The following OSBPL9 variants were observed in gnomAD, a reference collection of about 807,000 sequenced individuals.
OSBPL9 encodes oxysterol-binding protein-related protein 9.
OSBPL9 carries 40 observed loss-of-function variants against 106.6 expected under a neutral mutation model. That is an observed-to-expected ratio of 0.38 (90% confidence interval 0.29 to 0.49). OSBPL9 has a LOEUF of 0.49. OSBPL9 is among the 20% of genes least tolerant of loss of function. The probability of loss-of-function intolerance (pLI) is 0.97; values close to 1 mark genes in which losing one functional copy is unlikely to be tolerated. For missense variants in OSBPL9, 609 were observed against 887.2 expected (o/e 0.69, Z 3.98); for synonymous variants, 269 against 295.4 (o/e 0.91, Z 0.92).
At chr1:51,604,077 T>C (rs1019893570) in intron 2 of OSBPL9, among the ~76,000 whole-genome samples, 8 of 152,188 alleles carry the variant, frequency 5.3e-5, no homozygotes, top group Non-Finnish European at 1.2e-4. Context: ...GCCAAGCATG[T>C]TCCCTGGTCA....
At chr1:51,775,461 C>T (rs930164121) in intron 14 of OSBPL9, among the ~76,000 whole-genome samples, 1 of 152,064 alleles carries the variant, frequency 6.6e-6, no homozygotes, top group African/African-American at 2.4e-5. Flanking sequence ...TCTGTTCCCC[C>T]AAACAGAGCA....
At chr1:51,617,996 T>G (rs1644177114) in intron 1 of OSBPL9, among the ~76,000 whole-genome samples, 3 of 145,702 alleles carry the variant, frequency 2.1e-5, no homozygotes, top group Non-Finnish European at 3.0e-5. Context: ...TCTTACGTGG[T>G]TGTGTGTGTG....
chr1:51,623,751 T>C (rs1336912271), intron 1 of OSBPL9, among the ~76,000 whole-genome samples: 4 of 152,210 alleles, frequency 2.6e-5, no homozygotes, highest in African/African-American at 9.7e-5. Context: ...TTTTAGATTT[T>C]TGAATAGCTT....
chr1:51,659,970 A>G (rs1647038243), intron 2 of OSBPL9, among the ~76,000 whole-genome samples: 1 of 152,144 alleles, frequency 6.6e-6, no homozygotes, highest in South Asian at 2.1e-4. Context: ...TGGTGGTGTT[A>G]TAAGAGACAG....
the OSBPL9 span, among the ~76,000 whole-genome samples, chr1:51,544,524 G>C: frequency 2.4e-3 from 364 of 152,212 alleles, 12 homozygotes; most frequent in East Asian, 0.063. Flanking sequence ...ATCAAGCTTG[G>C]AACTTTCGTG....
intron 2 of OSBPL9, among the ~76,000 whole-genome samples, chr1:51,666,091 G>A (rs111588445): frequency 2.1e-4 from 32 of 152,096 alleles, no homozygotes; most frequent in Non-Finnish European, 3.8e-4. Flanking sequence ...CAGGTGATCC[G>A]CCCGCCTCGG....
chr1:51,761,074 G>C (rs979202688), intron 10 of OSBPL9, among the ~76,000 whole-genome samples: 5 of 152,162 alleles, frequency 3.3e-5, no homozygotes, highest in Non-Finnish European at 7.4e-5. Context: ...CAGAATTCAT[G>C]GCTAGCGAGG....
intron 1 of OSBPL9, among the ~76,000 whole-genome samples, chr1:51,631,741 T>C (rs1645118714): frequency 6.6e-6 from 1 of 152,206 alleles, no homozygotes; most frequent in Middle Eastern, 3.2e-3. Flanking sequence ...ATTATTATCA[T>C]TTAAACTATA....
chr1:51,580,947 TATATATA>T (rs1300932440), intron 1 of OSBPL9, among the ~76,000 whole-genome samples: 592 of 2,218 alleles, frequency 0.27, 204 homozygotes, highest in Non-Finnish European at 0.32. Flanking sequence ...TATATATATA[TATATATA>T]ACTTTTTTGA....
rs188933926 is a variant in OSBPL9 at position 51,740,134 on chromosome 1, T to G, written c.319-5402T>G. ...TTTCTATTCTCTCTTTTCCTTACTT[T>G]TATGGAAGATCAGTACCACACTTGC... On this transcript the variant is annotated intron_variant, in intron 4 of 23. Coordinates refer to ENST00000428468, the MANE Select transcript of OSBPL9 (RefSeq NM_024586.6). 5.3e-3 allele frequency: 8,149 copies of G among 1,549,504 alleles called. 24 individuals are homozygous for G. The highest frequency in any genetic ancestry group is 6.4e-3 in the Non-Finnish European group (7,310 of 1,145,810).
intron 9 of OSBPL9, 116 bp from the exon 10 acceptor site, chr1:51,760,574 C>A: frequency 6.9e-6 from 10 of 1,448,264 alleles, no homozygotes; most frequent in Non-Finnish European, 9.3e-6. Context: ...TCATTTTGAT[C>A]AACATATCTA....
At chr1:51,556,871 A>C in the OSBPL9 span, among the ~76,000 whole-genome samples, 2 of 150,758 alleles carry the variant, frequency 1.3e-5, no homozygotes, top group African/African-American at 4.9e-5. Context: ...CAAACTAAGT[A>C]GAATGAATAA....
rs547881224 is a variant in OSBPL9, at chr1:51,607,086, A to G, written c.-352-7219A>G. Among the ~76,000 whole-genome samples, 9 of 152,124 alleles carry G rather than the reference A, an allele frequency of 5.9e-5. No homozygotes were observed. In the South Asian group the frequency reaches 1.0e-3, roughly 17 times the overall value. ...AAAAAAGAAAAAATTTGGAAAACACAAAAGTATAAAGAAAAAACATAAAAC... is the reference window on the plus strand; with the variant it reads ...AAAAAAGAAAAAATTTGGAAAACACGAAAGTATAAAGAAAAAACATAAAAC... On this transcript the variant is annotated intron_variant, in intron 2 of 25. Transcript: ENST00000371714.
chr1:51,625,159 T>A (rs1644694244), intron 1 of OSBPL9, among the ~76,000 whole-genome samples: 1 of 152,214 alleles, frequency 6.6e-6, no homozygotes, highest in Non-Finnish European at 1.5e-5. Flanking sequence ...CATCTTTGCT[T>A]CCTGTGTTGT....
intron 12 of OSBPL9, among the ~76,000 whole-genome samples, chr1:51,769,069 T>A (rs768529): frequency 0.39 from 59,749 of 152,074 alleles, 13,004 homozygotes; most frequent in East Asian, 0.84. Flanking sequence ...TTCTTTCAGG[T>A]TGGGTATGCT....
At chr1:51,537,152 CTAAT>C in the OSBPL9 span, among the ~76,000 whole-genome samples, 1 of 152,176 alleles carries the variant, frequency 6.6e-6, no homozygotes, top group Non-Finnish European at 1.5e-5. Flanking sequence ...TTCCTTCTCT[CTAAT>C]TATTATCATG....
intron 1 of OSBPL9, among the ~76,000 whole-genome samples, chr1:51,590,197 C>T (rs1365080360): frequency 1.3e-5 from 2 of 151,932 alleles, no homozygotes; most frequent in Non-Finnish European, 2.9e-5. Flanking sequence ...AAAAGTCATT[C>T]TGAAATTTAT....
chr1:51,588,652 A>G (rs1023766164), intron 1 of OSBPL9, among the ~76,000 whole-genome samples: 8 of 152,200 alleles, frequency 5.3e-5, no homozygotes, highest in Non-Finnish European at 8.8e-5. Context: ...TCCTGTCTCA[A>G]AAACAAAAGA....
At chr1:51,582,134 G>A (rs1303030441) in intron 1 of OSBPL9, among the ~76,000 whole-genome samples, 1 of 152,124 alleles carries the variant, frequency 6.6e-6, no homozygotes, top group Admixed American at 6.6e-5. Flanking sequence ...AACCATAAGT[G>A]TATAGTTTAA....
Sources: gnomAD v4.1 joint callset for allele counts (sites outside exome capture counted in the v4.1 genomes callset) on GRCh38, gnomAD v4.1.1 for gene constraint, MANE v1.5 for transcripts, NCBI Gene and HGNC (gene_info 2026-07-23, HGNC 2026-07-21) for gene names.